Variants in CSMD1 observed in about 807,000 individuals in gnomAD.
The protein encoded by CSMD1 is CUB and Sushi multiple domains 1, also known as CUB and sushi domain-containing protein 1.
CSMD1 carries 213 observed loss-of-function variants against 417.5 expected under a neutral mutation model. That is an observed-to-expected ratio of 0.51 (90% CI 0.46 to 0.57). CSMD1 has a LOEUF of 0.57. CSMD1 is among the 20% of genes least tolerant of loss of function. The pLI, the probability that CSMD1 is intolerant of heterozygous loss-of-function variation, is 0.00. For missense variants in CSMD1, 6,923 were observed against 4,529.7 expected (o/e 1.53, Z -15.17); for synonymous variants, 2,862 against 1,736.8 (o/e 1.65, Z -16.11).
chr8:4,759,574 C>T (rs1195233651), intron 1 of CSMD1, among the ~76,000 whole-genome samples: 2 of 143,148 alleles, frequency 1.4e-5, no homozygotes, highest in Non-Finnish European at 3.0e-5. Flanking sequence ...CCGAACCATC[C>T]CCCTGTCAGG....
chr8:3,832,656 C>A (rs1057103070), intron 5 of CSMD1, among the ~76,000 whole-genome samples: 33 of 152,264 alleles, frequency 2.2e-4, no homozygotes, highest in African/African-American at 7.9e-4. Context: ...TACAACGAAA[C>A]TGAGATTCAA....
intron 5 of CSMD1, among the ~76,000 whole-genome samples, chr8:3,973,769 A>C (rs998878053): frequency 6.6e-6 from 1 of 152,186 alleles, no homozygotes; most frequent in Admixed American, 6.5e-5. Context: ...CCAGTGTTTC[A>C]TTATTTGAGA....
chr8:4,944,068 G>C (rs1196634575), intron 1 of CSMD1, among the ~76,000 whole-genome samples: 3 of 152,154 alleles, frequency 2.0e-5, no homozygotes, highest in African/African-American at 4.8e-5. Flanking sequence ...GAAGATGTTT[G>C]ATAGACAGGA....
intron 8 of CSMD1, among the ~76,000 whole-genome samples, chr8:3,596,572 C>T (rs1801104655): frequency 6.6e-6 from 1 of 152,134 alleles, no homozygotes; most frequent in Non-Finnish European, 1.5e-5. Context: ...ATCCTAAATA[C>T]ACAGAGACTG....
At chr8:4,546,421 G>C (rs773686182) in intron 2 of CSMD1, among the ~76,000 whole-genome samples, 1 of 152,102 alleles carries the variant, frequency 6.6e-6, no homozygotes, top group African/African-American at 2.4e-5. Flanking sequence ...AGTTTGAATC[G>C]GCAGACTGAG....
chr8:3,077,158 A>G (rs1028606676), intron 49 of CSMD1, among the ~76,000 whole-genome samples: 1 of 152,228 alleles, frequency 6.6e-6, no homozygotes, highest in African/African-American at 2.4e-5. Context: ...GCCAAATCAG[A>G]ATCGTGCAGG....
chr8:4,692,782 C>T (rs543273822), intron 1 of CSMD1, among the ~76,000 whole-genome samples: 37 of 152,260 alleles, frequency 2.4e-4, no homozygotes, highest in East Asian at 1.9e-4. Context: ...GTTTCTTATA[C>T]GGGCCCTCCC....
intron 2 of CSMD1, among the ~76,000 whole-genome samples, chr8:4,436,495 G>A (rs572321327): frequency 2.6e-5 from 4 of 152,154 alleles, no homozygotes; most frequent in Non-Finnish European, 5.9e-5. Flanking sequence ...AGGTTGAGGG[G>A]TATCTCTCCT....
At chr8:3,454,104 A>G (rs1372531850) in intron 12 of CSMD1, among the ~76,000 whole-genome samples, 1 of 152,032 alleles carries the variant, frequency 6.6e-6, no homozygotes, top group Non-Finnish European at 1.5e-5. Flanking sequence ...GTTGGTTTAA[A>G]GTCTGTTTTA....
chr8:3,300,263 ATGTTTG>A (rs1024892174), intron 25 of CSMD1, among the ~76,000 whole-genome samples: 1 of 152,194 alleles, frequency 6.6e-6, no homozygotes, highest in Non-Finnish European at 1.5e-5. Flanking sequence ...ATCACATTTT[ATGTTTG>A]TATTTGCATA....
chr8:4,893,414 T>G (rs558377812), intron 1 of CSMD1, among the ~76,000 whole-genome samples: 1 of 152,234 alleles, frequency 6.6e-6, no homozygotes, highest in South Asian at 2.1e-4. Context: ...ATGTTTATAT[T>G]CACAAAGATG....
At chr8:3,018,433 G>C in intron 52 of CSMD1, 44 bp downstream of exon 52, 1 of 1,576,728 alleles carries the variant, frequency 6.3e-7, no homozygotes, top group Non-Finnish European at 8.7e-7. Context: ...CTATTTCTAA[G>C]GTTTATCTGC....
intron 10 of CSMD1, among the ~76,000 whole-genome samples, chr8:3,545,212 G>A (rs11994159): frequency 2.0e-5 from 3 of 152,178 alleles, no homozygotes; most frequent in Admixed American, 2.0e-4. Context: ...TTGTTTCCAT[G>A]TGTCTGTCTA....
intron 3 of CSMD1, among the ~76,000 whole-genome samples, chr8:4,313,679 C>G (rs757974618): frequency 6.6e-6 from 1 of 151,926 alleles, no homozygotes; most frequent in South Asian, 2.1e-4. Context: ...ACCAGGAGCT[C>G]TGAAAGTTTC....
intron 5 of CSMD1, among the ~76,000 whole-genome samples, chr8:3,781,369 G>T (rs576283456): frequency 6.6e-5 from 10 of 152,162 alleles, no homozygotes; most frequent in African/African-American, 2.4e-4. Context: ...CAGGTCAAGC[G>T]CATTCTATAG....
intron 7 of CSMD1, among the ~76,000 whole-genome samples, chr8:3,682,206 T>C (rs984529791): frequency 2.6e-5 from 4 of 152,074 alleles, no homozygotes; most frequent in African/African-American, 9.7e-5. Flanking sequence ...CTAATTAAAC[T>C]AAAGAGCTTC....
At chr8:3,775,109 G>C (rs1244741280) in intron 5 of CSMD1, among the ~76,000 whole-genome samples, 2 of 152,176 alleles carry the variant, frequency 1.3e-5, no homozygotes, top group Admixed American at 6.5e-5. Flanking sequence ...AATGTTTTTA[G>C]ACTGCTGTTG....
chr8:4,108,507 G>A (rs747565464), intron 3 of CSMD1, among the ~76,000 whole-genome samples: 1 of 152,182 alleles, frequency 6.6e-6, no homozygotes, highest in African/African-American at 2.4e-5. Flanking sequence ...TATAAATGCA[G>A]TTTTAATTTG....
At chr8:3,025,933 T>C (rs570697607) in intron 51 of CSMD1, among the ~76,000 whole-genome samples, 108 of 152,312 alleles carry the variant, frequency 7.1e-4, no homozygotes, top group African/African-American at 2.6e-3. Context: ...TAATGTATGA[T>C]ATAGTTATAA....
Sources: gnomAD v4.1 joint callset for allele counts (sites outside exome capture counted in the v4.1 genomes callset) on GRCh38, gnomAD v4.1.1 for gene constraint, MANE v1.5 for transcripts, NCBI Gene and HGNC (gene_info 2026-07-23, HGNC 2026-07-21) for gene names.